TNFRSF21: variants seen among roughly 807,000 people sequenced by gnomAD.
TNFRSF21 encodes the protein tumor necrosis factor receptor superfamily member 21.
TNFRSF21 carries 19 observed loss-of-function variants against 45.6 expected under a neutral mutation model. That is an observed-to-expected ratio of 0.42 (90% CI 0.29 to 0.61). The LOEUF (loss-of-function observed/expected upper bound fraction) is 0.61. TNFRSF21 is among the 20% of genes least tolerant of loss of function. The probability of loss-of-function intolerance (pLI) is 0.23; values close to 1 mark genes in which losing one functional copy is unlikely to be tolerated. For missense variants in TNFRSF21, 737 were observed against 851.5 expected (o/e 0.87, Z 1.67); for synonymous variants, 314 against 335.5 (o/e 0.94, Z 0.70).
rs776960080 is a variant in TNFRSF21 at position 47,285,997 on chromosome 6, C to T, written c.695G>A (p.Arg232His). 6.2e-6 allele frequency: 10 copies of T among 1,614,118 alleles called. No homozygotes were observed. Among genetic ancestry groups the T allele is most frequent in the Admixed American group, 5.0e-5 (3 of 60,018 alleles). Residue 232 changes from arginine (R) to histidine (H), a missense_variant, in exon 2 of 6, where the codon CGC becomes CAC. Coordinates refer to ENST00000296861, the MANE Select transcript of TNFRSF21 (RefSeq NM_014452.5). ...SPSPGTAIFPRPEHMETHEVP... is the reference protein window; with the variant it reads ...SPSPGTAIFPHPEHMETHEVP... The stretch of plus-strand genomic sequence containing the variant: ...TTCATGGGTTTCCATGTGCTCAGGG[C>T]GTGGAAAGATGGCTGTGCCAGGGGA...
intron 4 of TNFRSF21, among the ~76,000 whole-genome samples, chr6:47,235,891 G>A (rs1010675380): frequency 1.3e-5 from 2 of 152,164 alleles, no homozygotes; most frequent in Non-Finnish European, 2.9e-5. Context: ...CACACAAGAT[G>A]GTTTCAGATA....
intron 1 of TNFRSF21, among the ~76,000 whole-genome samples, chr6:47,306,779 A>C (rs76438997): frequency 0.048 from 7,373 of 152,282 alleles, 434 homozygotes; most frequent in African/African-American, 0.14. Context: ...AAAAAGGGAG[A>C]TATTTGAAAG....
intron 3 of TNFRSF21, among the ~76,000 whole-genome samples, chr6:47,276,496 G>A (rs568880171): frequency 3.2e-4 from 48 of 152,358 alleles, no homozygotes; most frequent in South Asian, 6.2e-4. Flanking sequence ...AGCAGAAGGT[G>A]AAAGAGAAGA....
chr6:47,246,672 A>G (rs191723942), intron 4 of TNFRSF21, among the ~76,000 whole-genome samples: 5 of 152,338 alleles, frequency 3.3e-5, no homozygotes, highest in Admixed American at 6.5e-5. Flanking sequence ...CAAAACAAGG[A>G]TGTAAGTAAA....
intron 3 of TNFRSF21, among the ~76,000 whole-genome samples, chr6:47,258,231 G>A (rs1430095289): frequency 2.6e-5 from 4 of 151,828 alleles, no homozygotes; most frequent in African/African-American, 7.3e-5. Flanking sequence ...TTAGCGAGGC[G>A]TGGTGGTGCA....
chr6:47,242,651 C>A (rs188192030), intron 4 of TNFRSF21, among the ~76,000 whole-genome samples: 1 of 152,212 alleles, frequency 6.6e-6, no homozygotes, highest in Admixed American at 6.5e-5. Flanking sequence ...GCCCCGCTAC[C>A]GGCACGGGTG....
chr6:47,251,509 C>G (rs1441766243), intron 4 of TNFRSF21, among the ~76,000 whole-genome samples: 5 of 152,186 alleles, frequency 3.3e-5, no homozygotes, highest in African/African-American at 1.2e-4. Context: ...ATGAATCACT[C>G]TTTTTGACAT....
intron 3 of TNFRSF21, among the ~76,000 whole-genome samples, chr6:47,270,287 C>G (rs1337366685): frequency 6.6e-6 from 1 of 152,160 alleles, no homozygotes; most frequent in African/African-American, 2.4e-5. Context: ...GATGAAGCTT[C>G]CAGAGGAAGG....
chr6:47,253,105 T>G lies in TNFRSF21; in HGVS notation c.1509+151A>C, dbSNP rs1166511999. ...AGAACCCCCGTCCTAGAAGGTAGGG[T>G]GTGTGTGTGTGTGTGCAGGCGTATG... On this transcript the variant is annotated intron_variant, in intron 4 of 5. Coordinates refer to ENST00000296861, the MANE Select transcript of TNFRSF21 (RefSeq NM_014452.5). 4.0e-5 allele frequency: 26 copies of G among 642,562 alleles called. 1 individual carries two copies. The highest frequency in any genetic ancestry group is 2.7e-4 in the Admixed American group (7 of 26,276). 39.8% of individuals were successfully genotyped at this position (642,562 alleles called of 1,614,324 possible).
intron 5 of TNFRSF21, among the ~76,000 whole-genome samples, chr6:47,233,572 G>T (rs1045325163): frequency 6.6e-6 from 1 of 151,552 alleles, no homozygotes; most frequent in African/African-American, 2.4e-5. Context: ...TTCTTCTCAG[G>T]TCATACCTTA....
chr6:47,281,017 A>C (rs563597340), intron 3 of TNFRSF21, among the ~76,000 whole-genome samples: 1 of 152,224 alleles, frequency 6.6e-6, no homozygotes, highest in Non-Finnish European at 1.5e-5. Context: ...AGGCACTTAC[A>C]GGGCAGTTTA....
In TNFRSF21 at chr6:47,309,594, A is replaced by C; in HGVS notation, c.-83T>G. 1 of 1,364,956 alleles carries C rather than the reference A, an allele frequency of 7.3e-7. No homozygotes were observed. The highest frequency in any genetic ancestry group is 9.4e-7 in the Non-Finnish European group (1 of 1,067,524). The allele number at this position is 1,364,956 out of a possible 1,614,324, so 84.6% of individuals were successfully genotyped here. On this transcript the variant is annotated 5_prime_UTR_variant, in exon 1 of 6. Coordinates refer to ENST00000296861, the MANE Select transcript of TNFRSF21 (RefSeq NM_014452.5). ...GCTGCTTCTGCCCAGCGCCGCATCC[A>C]CCGCCGCCTCCCGGGCCGGGAGCCC...
intron 2 of TNFRSF21, among the ~76,000 whole-genome samples, chr6:47,285,316 G>C (rs1425150344): frequency 6.6e-6 from 1 of 152,076 alleles, no homozygotes; most frequent in East Asian, 1.9e-4. Context: ...TGGAAAACTT[G>C]AATAATTGAT....
intron 1 of TNFRSF21, among the ~76,000 whole-genome samples, chr6:47,290,262 ACT>A (rs1485994572): frequency 6.6e-6 from 1 of 152,034 alleles, no homozygotes; most frequent in Non-Finnish European, 1.5e-5. Flanking sequence ...GATGAATATC[ACT>A]CTGATGTGCT....
intron 3 of TNFRSF21, among the ~76,000 whole-genome samples, chr6:47,273,482 C>CAA (rs1762456171): frequency 1.3e-5 from 2 of 152,128 alleles, no homozygotes; most frequent in African/African-American, 4.8e-5. Context: ...TAAAAAATCT[C>CAA]AATAAACTAG....
At chr6:47,236,825 T>A (rs1349348732) in intron 4 of TNFRSF21, among the ~76,000 whole-genome samples, 1 of 152,206 alleles carries the variant, frequency 6.6e-6, no homozygotes, top group Non-Finnish European at 1.5e-5. Flanking sequence ...TACATCCTGG[T>A]TCTCAGGGAC....
chr6:47,306,315 A>T (rs114040856), intron 1 of TNFRSF21, among the ~76,000 whole-genome samples: 2 of 152,222 alleles, frequency 1.3e-5, no homozygotes, highest in Non-Finnish European at 2.9e-5. Context: ...ACTTTTCCCC[A>T]GTGAGCCTTC....
At chr6:47,239,571 G>A (rs1319881842) in intron 4 of TNFRSF21, among the ~76,000 whole-genome samples, 2 of 152,158 alleles carry the variant, frequency 1.3e-5, no homozygotes, top group Non-Finnish European at 2.9e-5. Context: ...AGGAATAGGC[G>A]AGAACTCCAG....
intron 1 of TNFRSF21, among the ~76,000 whole-genome samples, chr6:47,292,561 C>T (rs1762742945): frequency 6.6e-6 from 1 of 152,208 alleles, no homozygotes; most frequent in Non-Finnish European, 1.5e-5. Flanking sequence ...TTCTGAGACA[C>T]ATTTTGGAGA....
Sources: allele counts gnomAD v4.1 joint callset (sites outside exome capture counted in the v4.1 genomes callset), GRCh38; gene constraint gnomAD v4.1.1; transcripts MANE v1.5; gene names NCBI Gene and HGNC (gene_info 2026-07-23, HGNC 2026-07-21).